KCNIP4: variants seen among roughly 807,000 people sequenced by gnomAD.
KCNIP4 encodes potassium voltage-gated channel interacting protein 4.
In KCNIP4, 12 loss-of-function variants were observed where a neutral mutation model predicts 34.0. The observed-to-expected ratio is 0.35, with a 90% CI of 0.23 to 0.57. KCNIP4 has a LOEUF of 0.57. Ranked by LOEUF, KCNIP4 falls within the 20% of genes least tolerant of loss-of-function variation. The pLI is 0.83. For synonymous variants in KCNIP4, 124 were observed against 102.2 expected (o/e 1.21, Z -1.29); for missense variants, 238 against 311.7 (o/e 0.76, Z 1.78).
At position 21,595,734 on chromosome 4, in the gene KCNIP4, G is replaced by GA. The variant is rs1400605668; in HGVS notation, c.61+352836dup. On this transcript the variant is annotated intron_variant, in intron 1 of 8. Transcript: ENST00000382152. ...TAGTTTATGCAAGCAATAAACATAT[G>GA]AAAAAAAAGCTCATCATCACTGGTC... 9.9e-5 allele frequency among the ~76,000 whole-genome samples: 15 copies of GA among 151,600 alleles called. No homozygotes were observed. The East Asian group carries it at 2.5e-3, about 25-fold the overall frequency.
chr4:21,045,236 A>G (rs1742330010), intron 1 of KCNIP4, among the ~76,000 whole-genome samples: 1 of 152,204 alleles, frequency 6.6e-6, no homozygotes, highest in Non-Finnish European at 1.5e-5. Context: ...GCAAGCAGGC[A>G]TCTCTGTTTT....
rs114605582 is a variant in KCNIP4 at position 20,777,514 on chromosome 4, G to A, written c.289-18624C>T. On this transcript the variant is annotated intron_variant, in intron 3 of 8. Transcript: ENST00000382152. ...CCCAAAGAGCTGCTGTGCCTCCTCC[G>A]CCAAGCCCTAGTGACATAATGGAAA... 3.2e-3 allele frequency among the ~76,000 whole-genome samples: 487 copies of A among 152,210 alleles called. 2 individuals are homozygous for A. Among genetic ancestry groups the A allele is most frequent in the African/African-American group, 0.011 (462 of 41,540 alleles).
intron 1 of KCNIP4, among the ~76,000 whole-genome samples, chr4:20,924,412 G>C (rs1487919191): frequency 6.6e-6 from 1 of 152,096 alleles, no homozygotes; most frequent in African/African-American, 2.4e-5. Context: ...AAATAATAGT[G>C]TACATGTTTA....
At chr4:21,280,309 G>C (rs1013905001) in intron 1 of KCNIP4, among the ~76,000 whole-genome samples, 1 of 152,140 alleles carries the variant, frequency 6.6e-6, no homozygotes, top group African/African-American at 2.4e-5. Context: ...TATATTTATT[G>C]AAAGGTCAAA....
At chr4:21,113,775 A>C (rs752376238) in intron 1 of KCNIP4, among the ~76,000 whole-genome samples, 3 of 152,250 alleles carry the variant, frequency 2.0e-5, no homozygotes, top group African/African-American at 4.8e-5. Context: ...TTATTTTTTA[A>C]GTAAAGAAGA....
chr4:21,134,047 A>G (rs1374261445), intron 1 of KCNIP4, among the ~76,000 whole-genome samples: 1 of 152,078 alleles, frequency 6.6e-6, no homozygotes, highest in African/African-American at 2.4e-5. Flanking sequence ...TAACCCCCCA[A>G]ACCCATAAAA....
chr4:21,519,883 T>C (rs1735376222), intron 1 of KCNIP4, among the ~76,000 whole-genome samples: 1 of 147,732 alleles, frequency 6.8e-6, no homozygotes, highest in Admixed American at 6.8e-5. Flanking sequence ...AAATTATATA[T>C]AATTTAATTA....
At chr4:21,300,196 T>C (rs1295029792) in intron 1 of KCNIP4, among the ~76,000 whole-genome samples, 1 of 152,152 alleles carries the variant, frequency 6.6e-6, no homozygotes, top group East Asian at 1.9e-4. Context: ...GTGTTACATA[T>C]AGAGATAATG....
At chr4:21,869,592 G>C (rs972092211) in intron 1 of KCNIP4, among the ~76,000 whole-genome samples, 1 of 151,976 alleles carries the variant, frequency 6.6e-6, no homozygotes, top group Non-Finnish European at 1.5e-5. Context: ...TAAATTCCCT[G>C]TTCCTGTATT....
intron 1 of KCNIP4, among the ~76,000 whole-genome samples, chr4:21,747,701 C>T (rs1716868039): frequency 6.6e-6 from 1 of 152,012 alleles, no homozygotes; most frequent in Non-Finnish European, 1.5e-5. Context: ...TCTTATTTTC[C>T]TACTAGACTA....
At chr4:21,594,913 T>C (rs1742512439) in intron 1 of KCNIP4, among the ~76,000 whole-genome samples, 1 of 152,080 alleles carries the variant, frequency 6.6e-6, no homozygotes, top group Non-Finnish European at 1.5e-5. Context: ...GGTGCAAAAG[T>C]AACTGTGGTT....
rs967126257 is a variant in KCNIP4, at chr4:21,112,522, T to A, written c.62-229813A>T. On this transcript the variant is annotated intron_variant, in intron 1 of 8. Coordinates refer to ENST00000382152, the MANE Select transcript of KCNIP4 (RefSeq NM_025221.6). ...TGCAAAGATGGGCTGCCAGCCACAA[T>A]AAGATGAAAATAACGAGAAATAGAT... is the stretch of plus-strand genomic sequence containing the variant. 1.3e-3 allele frequency among the ~76,000 whole-genome samples: 194 copies of A among 152,298 alleles called. 1 individual carries two copies. Among genetic ancestry groups the A allele is most frequent in the Non-Finnish European group, 1.5e-4 (10 of 68,000 alleles).
intron 1 of KCNIP4, among the ~76,000 whole-genome samples, chr4:21,489,414 C>A (rs968613527): frequency 2.0e-5 from 3 of 151,396 alleles, no homozygotes; most frequent in African/African-American, 7.3e-5. Context: ...TCTCCAATGA[C>A]TTTTCAAAAA....
chr4:21,073,342 C>G (rs1049169028), intron 1 of KCNIP4, among the ~76,000 whole-genome samples: 6 of 152,114 alleles, frequency 3.9e-5, no homozygotes, highest in Non-Finnish European at 8.8e-5. Flanking sequence ...TTGTAGTTCT[C>G]CTTGAAGAGG....
chr4:21,676,776 A>G (rs1235278195), intron 1 of KCNIP4, among the ~76,000 whole-genome samples: 1 of 152,188 alleles, frequency 6.6e-6, no homozygotes, highest in East Asian at 1.9e-4. Flanking sequence ...AAGTTGGAAA[A>G]TATATGTTAT....
chr4:21,636,992 T>A (rs1746226436), intron 1 of KCNIP4, among the ~76,000 whole-genome samples: 1 of 152,128 alleles, frequency 6.6e-6, no homozygotes, highest in African/African-American at 2.4e-5. Context: ...GTTTTGCTAT[T>A]TTTTGTTACT....
Position 21,683,446 on chromosome 4 carries a change from A to ATTTTTTTTTTTTTTTTTTT in KCNIP4, c.61+265106_61+265124dup, listed in dbSNP as rs71191533. ...TACGACTAATGATTGGTGAAGCCAG[A>ATTTTTTTTTTTTTTTTTTT]TTTTTTTTTTTTTTTTTTTTTTTTT... is the stretch of plus-strand genomic sequence containing the variant. On this transcript the variant is annotated intron_variant, in intron 1 of 8. Transcript: ENST00000382152. 6.0e-4 allele frequency among the ~76,000 whole-genome samples: 28 copies of ATTTTTTTTTTTTTTTTTTT among 46,614 alleles called. 4 individuals carry two copies. Among genetic ancestry groups the ATTTTTTTTTTTTTTTTTTT allele is most frequent in the Non-Finnish European group, 9.6e-4 (23 of 24,002 alleles). 30.6% of individuals were successfully genotyped at this position (46,614 alleles called of 152,430 possible). A position where few individuals can be genotyped will look rare whatever the true frequency, so the allele number is the denominator to read the frequency against.
chr4:20,834,574 G>C (rs547881777), intron 3 of KCNIP4, among the ~76,000 whole-genome samples: 4 of 152,194 alleles, frequency 2.6e-5, no homozygotes, highest in African/African-American at 9.6e-5. Flanking sequence ...GAACCAAAAG[G>C]TCCTCAGACC....
intron 1 of KCNIP4, among the ~76,000 whole-genome samples, chr4:21,909,434 C>G (rs972102429): frequency 3.3e-5 from 5 of 152,144 alleles, no homozygotes; most frequent in Non-Finnish European, 5.9e-5. Flanking sequence ...GAAACTCCAT[C>G]TGAAAAGCCT....
Sources: allele counts gnomAD v4.1 joint callset (sites outside exome capture counted in the v4.1 genomes callset), GRCh38; gene constraint gnomAD v4.1.1; transcripts MANE v1.5; gene names NCBI Gene and HGNC (gene_info 2026-07-23, HGNC 2026-07-21).